The following CMTR1 variants were observed in gnomAD, a reference collection of about 807,000 sequenced individuals.
CMTR1 encodes the protein cap methyltransferase 1.
A neutral mutation model predicts 107.0 loss-of-function variants in CMTR1; 39 were observed. The ratio of observed to expected loss-of-function variants is 0.36; its 90% confidence interval spans 0.28 to 0.48. CMTR1 has a LOEUF of 0.48. CMTR1 is among the 20% of genes least tolerant of loss of function. The pLI is 0.99. For missense variants in CMTR1, 672 were observed against 1,064.9 expected, an observed-to-expected ratio of 0.63 and a Z score of 5.14; for synonymous variants, 366 against 379.5, an observed-to-expected ratio of 0.96 and a Z score of 0.41.
intron 8 of CMTR1, among the ~76,000 whole-genome samples, chr6:37,455,171 G>A (rs926995899): frequency 1.3e-5 from 2 of 150,726 alleles, no homozygotes; most frequent in African/African-American, 2.4e-5. Context: ...CTCAACCTCC[G>A]CCTCTCGGGT....
chr6:37,428,009 A>AGAGC, the CMTR1 span, among the ~76,000 whole-genome samples: 1 of 10,054 alleles, frequency 9.9e-5, no homozygotes, highest in Non-Finnish European at 1.9e-4. Flanking sequence ...CAACAGAGAC[A>AGAGC]GAGAGAGAGA....
Position 37,480,948 on chromosome 6 carries a change from C to A in CMTR1, c.*803C>A. Reference sequence around the variant, plus strand: ...GCCTTGAAGACCCGTCTTTCCCCCACAGCAGCAGGGGCCCCAGCAGTAACA... The same window carrying A: ...GCCTTGAAGACCCGTCTTTCCCCCAAAGCAGCAGGGGCCCCAGCAGTAACA... On this transcript the variant is annotated 3_prime_UTR_variant, in exon 24 of 24. Transcript: ENST00000373451. 1 of 1,242,936 alleles carries A rather than the reference C, an allele frequency of 8.0e-7. No homozygotes were observed. 77.0% of individuals were successfully genotyped at this position (1,242,936 alleles called of 1,614,324 possible). A position where few individuals can be genotyped will look rare whatever the true frequency, so the allele number is the denominator to read the frequency against.
At chr6:37,462,681 C>T (rs1022456178) in intron 12 of CMTR1, 148 bp from the exon 13 acceptor site, 1 of 686,758 alleles carries the variant, frequency 1.5e-6, no homozygotes, top group Non-Finnish European at 2.5e-6. Context: ...ACTTTAGCAC[C>T]ACAAAGGGTC....
At chr6:37,441,850 T>A (rs894537577) in intron 2 of CMTR1, among the ~76,000 whole-genome samples, 6 of 152,222 alleles carry the variant, frequency 3.9e-5, no homozygotes, top group Admixed American at 6.5e-5. Flanking sequence ...TGAGTGGCAC[T>A]CTCTGGCACT....
At chr6:37,461,800 G>T in intron 11 of CMTR1, 155 bp downstream of exon 11, 1 of 870,974 alleles carries the variant, frequency 1.1e-6, no homozygotes, top group Non-Finnish European at 1.8e-6. Flanking sequence ...AAGGGCTGTG[G>T]AATCCTCAAA....
At chr6:37,468,536 C>T (rs1262575420) in intron 13 of CMTR1, among the ~76,000 whole-genome samples, 1 of 152,182 alleles carries the variant, frequency 6.6e-6, no homozygotes, top group Non-Finnish European at 1.5e-5. Flanking sequence ...TTCTTCTAGC[C>T]TGTCTTTGTA....
At chr6:37,460,694 T>A (rs1761385717) in intron 10 of CMTR1, among the ~76,000 whole-genome samples, 1 of 152,192 alleles carries the variant, frequency 6.6e-6, no homozygotes, top group Non-Finnish European at 1.5e-5. Flanking sequence ...GGCAGCGTCC[T>A]TTTTTCTTTA....
At chr6:37,461,729 G>C (rs1761406642) in intron 11 of CMTR1, 84 bp downstream of exon 11, 7 of 1,012,702 alleles carry the variant, frequency 6.9e-6, no homozygotes. Flanking sequence ...GGTTGGTGGG[G>C]AAGTTAAAAA....
chr6:37,468,309 GTGTTTT>G (rs1270432109), intron 13 of CMTR1, among the ~76,000 whole-genome samples: 1 of 151,724 alleles, frequency 6.6e-6, no homozygotes, highest in Non-Finnish European at 1.5e-5. Context: ...TTTTGTCTTT[GTGTTTT>G]TGTTTTTATA....
intron 1 of CMTR1, among the ~76,000 whole-genome samples, chr6:37,433,590 C>G (rs187097568): frequency 2.6e-5 from 4 of 152,260 alleles, no homozygotes; most frequent in Non-Finnish European, 4.4e-5. Flanking sequence ...CACATTCACA[C>G]GCTCATGTTA....
chr6:37,437,027 T>C (rs1295665014), intron 2 of CMTR1, among the ~76,000 whole-genome samples: 1 of 152,098 alleles, frequency 6.6e-6, no homozygotes, highest in Non-Finnish European at 1.5e-5. Context: ...GCTTGACAGG[T>C]GGTACAGCGA....
rs1349401873 is a variant in CMTR1, at chr6:37,480,813, A to G, written c.*668A>G. 1 of 1,129,406 alleles carries G rather than the reference A, an allele frequency of 8.9e-7. No homozygotes were observed. Among genetic ancestry groups the G allele is most frequent in the Non-Finnish European group, 1.1e-6 (1 of 912,952 alleles). 70.0% of individuals were successfully genotyped at this position (1,129,406 alleles called of 1,614,324 possible). On this transcript the variant is annotated 3_prime_UTR_variant, in exon 24 of 24. Coordinates refer to ENST00000373451, the MANE Select transcript of CMTR1 (RefSeq NM_015050.3). ...GGCAAACTCTCATCCCTGATACCAC[A>G]TTGAGATCCTGGGAGCCCTCTTTTC...
chr6:37,434,704 A>T (rs937595610), intron 1 of CMTR1, among the ~76,000 whole-genome samples: 1 of 149,790 alleles, frequency 6.7e-6, no homozygotes, highest in African/African-American at 2.5e-5. Flanking sequence ...GCTCACTGCA[A>T]CCTCCGCCTC....
At chr6:37,471,168 A>G in intron 14 of CMTR1, 91 bp downstream of exon 14, 1 of 1,096,102 alleles carries the variant, frequency 9.1e-7, no homozygotes. Flanking sequence ...TCATTTCAAC[A>G]AACATTTTAA....
chr6:37,440,547 T>G (rs1256616624), intron 2 of CMTR1, among the ~76,000 whole-genome samples: 2 of 152,210 alleles, frequency 1.3e-5, no homozygotes, highest in African/African-American at 2.4e-5. Context: ...CTTCTTGATC[T>G]TACAAGGAAT....
intron 14 of CMTR1, 95 bp downstream of exon 14, chr6:37,471,172 A>G: frequency 9.1e-7 from 1 of 1,104,380 alleles, no homozygotes; most frequent in Non-Finnish European, 1.3e-6. Context: ...TTCAACAAAC[A>G]TTTTAAAACA....
Position 37,478,506 on chromosome 6 carries a change from G to A in CMTR1, c.2251G>A (p.Val751Ile), listed in dbSNP as rs770701280. 40 of 1,613,320 alleles carry A rather than the reference G, an allele frequency of 2.5e-5. No individual in the cohort carries two copies. In the East Asian group the frequency reaches 6.2e-4, roughly 25 times the overall value. The change falls in exon 22 of 24, where the codon GTC becomes ATC. Residue 751 changes from valine to isoleucine, a missense_variant. Physicochemically the swap from Val to Ile is conservative, Grantham distance 29. Transcript: ENST00000373451. ...CTTTGTACCCATGGGCCTCTACATC[G>A]TCAGGACAGTGAATGGTGGGTGAGG... is the stretch of plus-strand genomic sequence containing the variant. The part of the protein sequence containing the change: ...RHFVPMGLYI[V>I]RTVNEPWTMG...
intron 2 of CMTR1, among the ~76,000 whole-genome samples, chr6:37,438,582 G>A (rs1771591594): frequency 6.6e-6 from 1 of 152,182 alleles, no homozygotes; most frequent in African/African-American, 2.4e-5. Flanking sequence ...ATCTTTATCA[G>A]CAAGACTGCT....
chr6:37,475,268 G>C (rs554438065), intron 18 of CMTR1, 53 bp from the exon 19 acceptor site: 1 of 1,424,668 alleles, frequency 7.0e-7, no homozygotes, highest in South Asian at 1.2e-5. Flanking sequence ...GGGTAGTGGG[G>C]GCTGAAGGCT....
Sources: allele counts gnomAD v4.1 joint callset (sites outside exome capture counted in the v4.1 genomes callset), GRCh38; gene constraint gnomAD v4.1.1; transcripts MANE v1.5; gene names NCBI Gene and HGNC (gene_info 2026-07-23, HGNC 2026-07-21).